The following SCTR variants were observed in gnomAD, a reference collection of about 807,000 sequenced individuals.
SCTR encodes secretin receptor.
A neutral mutation model predicts 60.8 loss-of-function variants in SCTR; 56 were observed. The ratio of observed to expected loss-of-function variants is 0.92; its 90% CI spans 0.74 to 1.15. The LOEUF (loss-of-function observed/expected upper bound fraction) is 1.15. SCTR is among the 50% of genes most tolerant of loss of function. The probability of loss-of-function intolerance (pLI) is 0.00; values close to 1 mark genes in which losing one functional copy is unlikely to be tolerated. For missense variants in SCTR, 562 were observed against 550.4 expected, an observed-to-expected ratio of 1.02 and a Z score of -0.21; for synonymous variants, 202 against 217.0, an observed-to-expected ratio of 0.93 and a Z score of 0.61.
intron 3 of SCTR, among the ~76,000 whole-genome samples, 188 bp from the exon 4 acceptor site, chr2:119,473,744 C>T (rs1677135217): frequency 6.6e-6 from 1 of 152,180 alleles, no homozygotes; most frequent in Admixed American, 6.5e-5. Flanking sequence ...AACCCTGGGG[C>T]TCGGGCTCCA....
chr2:119,522,005 C>T (rs1679300966), intron 1 of SCTR, among the ~76,000 whole-genome samples: 2 of 152,174 alleles, frequency 1.3e-5, no homozygotes, highest in South Asian at 4.1e-4. Flanking sequence ...TTTGAAAATA[C>T]AAGGGACCGC....
intron 4 of SCTR, among the ~76,000 whole-genome samples, chr2:119,469,646 C>T (rs1676907235): frequency 6.6e-6 from 1 of 152,154 alleles, no homozygotes; most frequent in South Asian, 2.1e-4. Context: ...AGTGCCATCA[C>T]ACTCAGCTAC....
intron 1 of SCTR, 80 bp from the exon 2 acceptor site, chr2:119,494,628 G>A: frequency 2.7e-6 from 4 of 1,474,740 alleles, no homozygotes; most frequent in South Asian, 1.2e-5. Flanking sequence ...GCAAGACAAT[G>A]CAGATTCAAT....
chr2:119,446,759 C>A lies in SCTR; in HGVS notation c.1140G>T (p.Gln380His). The change falls in exon 11 of 13, where the codon CAG becomes CAT. Residue 380 changes from glutamine (Q) to histidine (H), a missense_variant and splice_region_variant. Transcript: ENST00000019103. ...GGCAGCCCCAGTCCTGGAAACTTAC[C>A]TGGAATGAGCCAAGGGCTAGTTCAA... is the stretch of plus-strand genomic sequence containing the variant. Reference protein sequence around the residue: ...LFFELALGSFQGLVVAVLYCF... With the variant: ...LFFELALGSFHGLVVAVLYCF... The A allele has an allele frequency of 6.6e-7, 1 of 1,522,614 alleles. No homozygotes were observed. Among genetic ancestry groups the A allele is most frequent in the Non-Finnish European group, 8.8e-7 (1 of 1,131,034 alleles). 94.3% of individuals were successfully genotyped at this position (1,522,614 alleles called of 1,614,324 possible).
chr2:119,515,234 G>T (rs1679077019), intron 1 of SCTR, among the ~76,000 whole-genome samples: 4 of 152,208 alleles, frequency 2.6e-5, no homozygotes, highest in Admixed American at 2.0e-4. Context: ...GTGCTGTGAG[G>T]AATTTTAAAT....
At position 119,444,226 on chromosome 2, in the gene SCTR, CAT is replaced by C. The variant is rs909269920; in HGVS notation, c.1140+2531_1140+2532del. Among the ~76,000 whole-genome samples the C allele has an allele frequency of 2.4e-4, 29 of 122,236 alleles. 1 individual carries two copies. Among genetic ancestry groups the C allele is most frequent in the Non-Finnish European group, 3.4e-4 (19 of 55,282 alleles). 80.2% of individuals were successfully genotyped at this position (122,236 alleles called of 152,430 possible). On this transcript the variant is annotated intron_variant, in intron 11 of 12. Transcript: ENST00000019103. Reference sequence around the variant, plus strand: ...GTATATATACATATGAATATATACACATATACATATGAATATATACACATATA... The same window carrying C: ...GTATATATACATATGAATATATACACATACATATGAATATATACACATATA...
chr2:119,478,947 A>T (rs2104850271), intron 2 of SCTR, 29 bp from the exon 3 acceptor site: 2 of 1,613,838 alleles, frequency 1.2e-6, no homozygotes, highest in East Asian at 4.5e-5. Flanking sequence ...TCAGACAAGG[A>T]TGGGGGATGG....
rs1250976336 is a variant in SCTR, at chr2:119,498,969, ATACACTG to A, written c.73-4428_73-4422del. ...TTGGATTTTAAAACATGATTAAACT[ATACACTG>A]TCTACAAGAAACTCACTGTAAATAT... On this transcript the variant is annotated intron_variant, in intron 1 of 12. Transcript: ENST00000019103. Among the ~76,000 whole-genome samples, 4 of 152,174 alleles carry A rather than the reference ATACACTG, an allele frequency of 2.6e-5. No homozygotes were observed. In the South Asian group the frequency reaches 8.3e-4, roughly 32 times the overall value.
chr2:119,450,989 T>C (rs1178395872), intron 9 of SCTR, among the ~76,000 whole-genome samples: 3 of 152,164 alleles, frequency 2.0e-5, no homozygotes, highest in African/African-American at 7.2e-5. Flanking sequence ...ACAAACATTT[T>C]GTATTTTGCA....
intron 7 of SCTR, 92 bp from the exon 8 acceptor site, chr2:119,453,439 G>A: frequency 1.0e-6 from 1 of 981,958 alleles, no homozygotes; most frequent in Non-Finnish European, 1.6e-6. Context: ...CCCCAGCCCA[G>A]CTACTGAGCA....
intron 3 of SCTR, among the ~76,000 whole-genome samples, chr2:119,475,834 T>G (rs1050607200): frequency 2.6e-5 from 4 of 151,822 alleles, no homozygotes; most frequent in African/African-American, 9.7e-5. Flanking sequence ...TTGGGAAGCA[T>G]GACCGCTTTA....
chr2:119,446,127 T>G (rs939290121), intron 11 of SCTR, among the ~76,000 whole-genome samples: 1 of 152,240 alleles, frequency 6.6e-6, no homozygotes, highest in African/African-American at 2.4e-5. Flanking sequence ...CACCTCACTT[T>G]ATTTTTTAAA....
chr2:119,447,623 G>A (rs377223123), intron 10 of SCTR, among the ~76,000 whole-genome samples: 2 of 152,202 alleles, frequency 1.3e-5, no homozygotes, highest in Admixed American at 1.3e-4. Context: ...GCAGGCAGGA[G>A]TGCAGTGGCG....
rs548827000 is a variant in SCTR at position 119,524,036 on chromosome 2, C to G, written c.72+119G>C. 2.2e-3 allele frequency: 1,660 copies of G among 742,388 alleles called. 16 individuals carry two copies. The highest frequency in any genetic ancestry group is 0.012 in the South Asian group (738 of 63,818). 46.0% of individuals were successfully genotyped at this position (742,388 alleles called of 1,614,324 possible). A position where few individuals can be genotyped will look rare whatever the true frequency, so the allele number is the denominator to read the frequency against. ...TTGGGAGGATTGGGAGGGAAGAGTC[C>G]CTATTCCTCATGGGAAGATCTGCTA... On this transcript the variant is annotated intron_variant, in intron 1 of 12. Coordinates refer to ENST00000019103, the MANE Select transcript of SCTR (RefSeq NM_002980.3).
intron 7 of SCTR, among the ~76,000 whole-genome samples, chr2:119,456,473 A>T (rs1422729766): frequency 6.6e-6 from 1 of 152,202 alleles, no homozygotes. Context: ...GGTTAGACAG[A>T]TACTGGAGGA....
chr2:119,477,438 T>C (rs1677378833), intron 3 of SCTR, among the ~76,000 whole-genome samples: 1 of 86,118 alleles, frequency 1.2e-5, no homozygotes, highest in Admixed American at 1.0e-4. Flanking sequence ...CTGGACGTTT[T>C]TTGTTTGTTT....
Position 119,472,541 on chromosome 2 carries a change from C to T in SCTR, c.405+912G>A, listed in dbSNP as rs553780683. 5.9e-5 allele frequency among the ~76,000 whole-genome samples: 9 copies of T among 152,274 alleles called. No individual in the cohort carries two copies. The East Asian group carries it at 1.7e-3, about 29-fold the overall frequency. The stretch of plus-strand genomic sequence containing the variant: ...CTGGAGGTCCCCAGCAAAGGTCAGC[C>T]GATTGCCGAAGGGAGCATCCCCTCA... On this transcript the variant is annotated intron_variant, in intron 4 of 12. Coordinates refer to ENST00000019103, the MANE Select transcript of SCTR (RefSeq NM_002980.3).
At chr2:119,499,343 A>G (rs1399860381) in intron 1 of SCTR, among the ~76,000 whole-genome samples, 1 of 152,088 alleles carries the variant, frequency 6.6e-6, no homozygotes, top group African/African-American at 2.4e-5. Context: ...GCAAGGATCT[A>G]GGAAAACACC....
At chr2:119,469,554 G>A (rs912981368) in intron 4 of SCTR, among the ~76,000 whole-genome samples, 9 of 152,088 alleles carry the variant, frequency 5.9e-5, no homozygotes, top group African/African-American at 9.7e-5. Context: ...ACAGTAGCAC[G>A]ATCATGGCTC....
Sources: gnomAD v4.1 joint callset for allele counts (sites outside exome capture counted in the v4.1 genomes callset) on GRCh38, gnomAD v4.1.1 for gene constraint, MANE v1.5 for transcripts, NCBI Gene and HGNC (gene_info 2026-07-23, HGNC 2026-07-21) for gene names.